The following AK5 variants were observed in gnomAD, a reference collection of about 807,000 sequenced individuals.
The protein encoded by AK5 is adenylate kinase isoenzyme 5.
AK5 carries 27 observed loss-of-function variants against 69.5 expected under a neutral mutation model. The ratio of observed to expected loss-of-function variants is 0.39; its 90% CI spans 0.29 to 0.54. AK5 has a LOEUF of 0.54. AK5 is among the 20% of genes least tolerant of loss of function. The pLI is 0.71. For missense variants in AK5, 531 were observed against 700.4 expected (o/e 0.76, Z 2.73); for synonymous variants, 260 against 244.4 (o/e 1.06, Z -0.60).
At chr1:77,454,309 CAAATCCTACTCCT>C (rs142304046) in intron 8 of AK5, among the ~76,000 whole-genome samples, 6,889 of 152,182 alleles carry the variant, frequency 0.045, 399 homozygotes, top group East Asian at 0.19. Context: ...CCACTCCCCT[CAAATCCTACTCCT>C]AATTGTATGC....
intron 5 of AK5, among the ~76,000 whole-genome samples, chr1:77,336,271 A>G (rs959581876): frequency 6.6e-6 from 1 of 151,894 alleles, no homozygotes; most frequent in South Asian, 2.1e-4. Flanking sequence ...TAGTGGAGAC[A>G]GGGTTTCACC....
intron 5 of AK5, among the ~76,000 whole-genome samples, chr1:77,307,426 CTTA>C (rs1659706003): frequency 6.6e-6 from 1 of 151,480 alleles, no homozygotes; most frequent in African/African-American, 2.4e-5. Context: ...CAGAATTCCT[CTTA>C]TTATTAATTT....
chr1:77,304,962 C>T (rs769204341), intron 5 of AK5, among the ~76,000 whole-genome samples: 8 of 152,124 alleles, frequency 5.3e-5, no homozygotes, highest in Non-Finnish European at 1.0e-4. Context: ...AAACAGTGTA[C>T]GAGGATTCCC....
chr1:77,324,156 G>A (rs1237153199), intron 5 of AK5, among the ~76,000 whole-genome samples: 1 of 152,148 alleles, frequency 6.6e-6, no homozygotes, highest in African/African-American at 2.4e-5. Context: ...AGAAAGTAGG[G>A]TGAAGATTAG....
At chr1:77,489,072 T>A (rs1176040376) in intron 10 of AK5, among the ~76,000 whole-genome samples, 1 of 152,208 alleles carries the variant, frequency 6.6e-6, no homozygotes, top group Non-Finnish European at 1.5e-5. Flanking sequence ...ACACTCACAG[T>A]TGAACTGTGA....
chr1:77,511,039 G>A (rs910247365), intron 10 of AK5, among the ~76,000 whole-genome samples: 64 of 148,054 alleles, frequency 4.3e-4, no homozygotes, highest in Admixed American at 1.1e-3. Context: ...TATATTTTAC[G>A]GGGCCAAAGC....
At chr1:77,421,363 A>G (rs1650799669) in intron 8 of AK5, among the ~76,000 whole-genome samples, 1 of 152,176 alleles carries the variant, frequency 6.6e-6, no homozygotes, top group Non-Finnish European at 1.5e-5. Context: ...CAAAAGGTAG[A>G]GCTAGGATTC....
chr1:77,320,432 C>T (rs1476223512), intron 5 of AK5, among the ~76,000 whole-genome samples: 1 of 152,026 alleles, frequency 6.6e-6, no homozygotes, highest in Non-Finnish European at 1.5e-5. Context: ...AATTAAAACG[C>T]AGATTGAAAG....
At chr1:77,544,326 G>A (rs1030603163) in intron 13 of AK5, among the ~76,000 whole-genome samples, 1 of 152,146 alleles carries the variant, frequency 6.6e-6, no homozygotes, top group African/African-American at 2.4e-5. Context: ...ATGCTGTACA[G>A]TTAGGCTATG....
At chr1:77,372,772 CGTGTGTGT>C in intron 6 of AK5, among the ~76,000 whole-genome samples, 1 of 149,622 alleles carries the variant, frequency 6.7e-6, no homozygotes, top group South Asian at 2.1e-4. Flanking sequence ...TGTGTGTGTG[CGTGTGTGT>C]GTGTGTGTGT....
At chr1:77,351,563 T>A (rs1662201045) in intron 6 of AK5, among the ~76,000 whole-genome samples, 1 of 152,176 alleles carries the variant, frequency 6.6e-6, no homozygotes, top group African/African-American at 2.4e-5. Flanking sequence ...CTTTAATGCT[T>A]TCTCATAGTG....
intron 8 of AK5, among the ~76,000 whole-genome samples, chr1:77,454,735 G>A (rs115984613): frequency 1.2e-3 from 190 of 152,106 alleles, no homozygotes; most frequent in African/African-American, 4.3e-3. Context: ...ATTTCATCTC[G>A]CACACAAATA....
intron 5 of AK5, among the ~76,000 whole-genome samples, chr1:77,302,470 A>G (rs1659398876): frequency 6.6e-6 from 1 of 152,112 alleles, no homozygotes; most frequent in Admixed American, 6.5e-5. Flanking sequence ...GATATATTGC[A>G]TAGTGGTGAT....
chr1:77,415,988 C>T (rs1288447161), intron 7 of AK5, among the ~76,000 whole-genome samples: 1 of 152,082 alleles, frequency 6.6e-6, no homozygotes, highest in Non-Finnish European at 1.5e-5. Flanking sequence ...ATTTCTTTTG[C>T]ACCAACCTGA....
chr1:77,547,271 C>CTTTTTTTTTTTTTT (rs532879024), intron 13 of AK5, among the ~76,000 whole-genome samples: 2 of 107,436 alleles, frequency 1.9e-5, no homozygotes, highest in Non-Finnish European at 3.6e-5. Context: ...ATAAAGTTCT[C>CTTTTTTTTTTTTTT]TTTTTTTTTT....
chr1:77,350,901 A>C (rs542735877), intron 6 of AK5, among the ~76,000 whole-genome samples: 1 of 152,138 alleles, frequency 6.6e-6, no homozygotes, highest in Non-Finnish European at 1.5e-5. Flanking sequence ...TTGAATCACA[A>C]ATTTTTCTTT....
At chr1:77,299,540 G>A (rs1659217595) in intron 5 of AK5, among the ~76,000 whole-genome samples, 1 of 152,064 alleles carries the variant, frequency 6.6e-6, no homozygotes, top group South Asian at 2.1e-4. Flanking sequence ...CCCTTCTTAG[G>A]TTTCCTCTCC....
intron 12 of AK5, among the ~76,000 whole-genome samples, chr1:77,526,465 CTTTTTTTTT>C (rs917395853): frequency 3.5e-5 from 3 of 84,672 alleles, no homozygotes; most frequent in Non-Finnish European, 2.4e-5. Flanking sequence ...GAATAAAAGT[CTTTTTTTTT>C]TTTTTTTTTT....
At chr1:77,354,542 T>C (rs755723219) in intron 6 of AK5, among the ~76,000 whole-genome samples, 8 of 152,248 alleles carry the variant, frequency 5.3e-5, no homozygotes, top group Non-Finnish European at 1.0e-4. Context: ...GTGGGTGCTT[T>C]GAATTATTTG....
Sources: allele counts gnomAD v4.1 joint callset (sites outside exome capture counted in the v4.1 genomes callset), GRCh38; gene constraint gnomAD v4.1.1; transcripts MANE v1.5; gene names NCBI Gene and HGNC (gene_info 2026-07-23, HGNC 2026-07-21).